Variants in HABP4 observed in about 807,000 individuals in gnomAD.
The protein encoded by HABP4 is intracellular hyaluronan-binding protein 4.
Under a neutral mutation model 44.1 loss-of-function variants are expected in HABP4, and 32 were observed. That is an observed-to-expected ratio of 0.73 (90% confidence interval 0.55 to 0.97). HABP4 has a LOEUF of 0.97. HABP4 is among the 50% of genes least tolerant of loss of function. The probability of loss-of-function intolerance (pLI) is 0.00; values close to 1 mark genes in which losing one functional copy is unlikely to be tolerated. For synonymous variants in HABP4, 216 were observed against 218.0 expected, an observed-to-expected ratio of 0.99 and a Z score of 0.08; for missense variants, 503 against 561.9, an observed-to-expected ratio of 0.90 and a Z score of 1.06.
At chr9:96,477,043 T>G (rs1832795416) in intron 5 of HABP4, among the ~76,000 whole-genome samples, 1 of 152,258 alleles carries the variant, frequency 6.6e-6, no homozygotes, top group South Asian at 2.1e-4. Context: ...CATATATACC[T>G]TGTCCTTTTT....
In HABP4 at chr9:96,488,434, A is replaced by G. The variant is rs1402202859; in HGVS notation, c.1185+160A>G. ...GGCATTTGGACGGTGTTGTAGCATC[A>G]TGGACATCTTGCCTAGAGACCGTTC... On this transcript the variant is annotated intron_variant, in intron 7 of 7. Transcript: ENST00000375249. The surrounding 1 kb of genome is among the most constrained non-coding windows in gnomAD (Gnocchi z 4.6). Among the ~76,000 whole-genome samples the G allele has an allele frequency of 6.6e-6, 1 of 152,178 alleles. No individual in the cohort carries two copies. The highest frequency in any genetic ancestry group is 2.4e-5 in the African/African-American group (1 of 41,440).
At chr9:96,481,689 TGA>T (rs1832882787) in intron 5 of HABP4, among the ~76,000 whole-genome samples, 4 of 151,980 alleles carry the variant, frequency 2.6e-5, no homozygotes, top group Non-Finnish European at 5.9e-5. Flanking sequence ...GAAGGTATGG[TGA>T]GCCATCATCA....
intron 2 of HABP4, among the ~76,000 whole-genome samples, chr9:96,463,689 A>C (rs983440544): frequency 2.6e-5 from 4 of 152,148 alleles, no homozygotes; most frequent in Non-Finnish European, 5.9e-5. Context: ...TGTGTTTCTT[A>C]TAAGAGACTG....
At chr9:96,487,327 G>A (rs577864069) in intron 6 of HABP4, among the ~76,000 whole-genome samples, 21 of 152,132 alleles carry the variant, frequency 1.4e-4, no homozygotes, top group Non-Finnish European at 2.6e-4. Context: ...TTGTGTGTGT[G>A]TGTGTGTGAT....
intron 2 of HABP4, among the ~76,000 whole-genome samples, chr9:96,462,905 G>A (rs1156379552): frequency 6.6e-6 from 1 of 152,080 alleles, no homozygotes; most frequent in African/African-American, 2.4e-5. Context: ...TTGGGCAACA[G>A]AGTGAGATAC....
chr9:96,450,267 T>G lies in HABP4; in HGVS notation c.-13T>G, dbSNP rs1587764867. On this transcript the variant is annotated 5_prime_UTR_variant, in exon 1 of 8. Transcript: ENST00000375249. The surrounding 1 kb of genome is among the most constrained non-coding windows in gnomAD (Gnocchi z 4.8). ...GTGGGCTGCCCTCCCGGGCCCGCAGTGGTCGCGGCGGCATGAAGGGCGCTC... is the reference window on the plus strand; with the variant it reads ...GTGGGCTGCCCTCCCGGGCCCGCAGGGGTCGCGGCGGCATGAAGGGCGCTC... 3.9e-5 allele frequency: 56 copies of G among 1,427,322 alleles called. No individual in the cohort carries two copies. The East Asian group carries it at 1.7e-3, about 45-fold the overall frequency. 88.4% of individuals were successfully genotyped at this position (1,427,322 alleles called of 1,614,324 possible).
intron 1 of HABP4, among the ~76,000 whole-genome samples, chr9:96,456,780 A>ATGT (rs1165644914): frequency 2.2e-5 from 1 of 44,772 alleles, no homozygotes; most frequent in East Asian, 1.1e-3. Context: ...AAAAAAAAAA[A>ATGT]ATATATATAT....
intron 3 of HABP4, 95 bp from the exon 4 acceptor site, chr9:96,465,615 A>G (rs1832587313): frequency 1.7e-6 from 2 of 1,167,674 alleles, no homozygotes; most frequent in Admixed American, 3.4e-5. Context: ...TCTTGTGAGA[A>G]GCTGATCCTG....
chr9:96,479,249 A>G (rs1416418365), intron 5 of HABP4, among the ~76,000 whole-genome samples: 1 of 152,188 alleles, frequency 6.6e-6, no homozygotes. Context: ...TGTTGCACAT[A>G]AAACAGTCAC....
At chr9:96,468,087 C>G (rs1224639584) in intron 4 of HABP4, among the ~76,000 whole-genome samples, 1 of 151,080 alleles carries the variant, frequency 6.6e-6, no homozygotes, top group Non-Finnish European at 1.5e-5. Flanking sequence ...TTTTTTTTTC[C>G]TCTCTCTGTC....
At chr9:96,468,697 A>G (rs1024442081) in intron 4 of HABP4, among the ~76,000 whole-genome samples, 3 of 152,204 alleles carry the variant, frequency 2.0e-5, no homozygotes, top group East Asian at 1.9e-4. Context: ...CAGCTAGTCA[A>G]AGCTCTTAGG....
chr9:96,465,685 A>C (rs1236552753), intron 3 of HABP4, 25 bp from the exon 4 acceptor site: 1 of 1,517,300 alleles, frequency 6.6e-7, no homozygotes, highest in South Asian at 1.1e-5. Flanking sequence ...CTTCTGGTTT[A>C]AGGGACTATT....
chr9:96,456,221 T>G (rs1300539589), intron 1 of HABP4, among the ~76,000 whole-genome samples: 1 of 152,212 alleles, frequency 6.6e-6, no homozygotes, highest in Non-Finnish European at 1.5e-5. Flanking sequence ...AGGTTGAATT[T>G]AGATCTGTTG....
chr9:96,468,827 A>C (rs961956447), intron 4 of HABP4, among the ~76,000 whole-genome samples: 1 of 152,244 alleles, frequency 6.6e-6, no homozygotes, highest in African/African-American at 2.4e-5. Flanking sequence ...AAAGTGAGTA[A>C]GAAATTTATT....
intron 4 of HABP4, among the ~76,000 whole-genome samples, chr9:96,470,577 A>G (rs568830098): frequency 9.2e-5 from 14 of 152,082 alleles, no homozygotes; most frequent in Non-Finnish European, 1.8e-4. Flanking sequence ...TTGTAGTTCA[A>G]TTTGTGGTTA....
intron 3 of HABP4, 75 bp from the exon 4 acceptor site, chr9:96,465,635 T>G: frequency 8.2e-7 from 1 of 1,216,770 alleles, no homozygotes; most frequent in Non-Finnish European, 1.2e-6. Context: ...GGGACTTTTA[T>G]GAACCACTCT....
chr9:96,451,962 T>C (rs985053066), intron 1 of HABP4, among the ~76,000 whole-genome samples: 1 of 152,290 alleles, frequency 6.6e-6, no homozygotes, highest in Admixed American at 6.5e-5. Context: ...GTGTGGTGGC[T>C]CACGCCTGTA....
chr9:96,460,418 AAAT>A (rs577486377), intron 2 of HABP4, among the ~76,000 whole-genome samples: 1 of 152,162 alleles, frequency 6.6e-6, no homozygotes, highest in Non-Finnish European at 1.5e-5. Context: ...CCTTACTCCT[AAAT>A]ACTTTAAATG....
chr9:96,462,030 C>T (rs567537547), intron 2 of HABP4, among the ~76,000 whole-genome samples: 3 of 151,538 alleles, frequency 2.0e-5, no homozygotes, highest in Non-Finnish European at 2.9e-5. Context: ...CCTGTAATCC[C>T]AGCTACTCGG....
Sources: gnomAD v4.1 joint callset for allele counts (sites outside exome capture counted in the v4.1 genomes callset) on GRCh38, gnomAD v4.1.1 for gene constraint, Gnocchi (gnomAD v3.1) non-coding constraint, MANE v1.5 for transcripts, NCBI Gene and HGNC (gene_info 2026-07-23, HGNC 2026-07-21) for gene names.